The following CACNA1H variants were observed in gnomAD, a reference collection of about 807,000 sequenced individuals.
CACNA1H encodes the protein calcium voltage-gated channel subunit alpha1 H.
In CACNA1H, 149 loss-of-function variants were observed where a neutral mutation model predicts 192.5. That is an observed-to-expected ratio of 0.77 (90% CI 0.68 to 0.89). The LOEUF (loss-of-function observed/expected upper bound fraction) is 0.89. Ranked by LOEUF, CACNA1H falls within the 40% of genes least tolerant of loss-of-function variation. The pLI is 0.00. For synonymous variants in CACNA1H, 2,202 were observed against 1,475.2 expected (o/e 1.49, Z -11.29); for missense variants, 4,257 against 3,423.5 (o/e 1.24, Z -6.08).
intron 2 of CACNA1H, among the ~76,000 whole-genome samples, chr16:1,155,343 G>A (rs1034940205): frequency 7.9e-5 from 12 of 152,190 alleles, no homozygotes; most frequent in Admixed American, 2.0e-4. Context: ...GGGTGTCCCC[G>A]GGAGCCGAGG....
rs760736442 is a variant in CACNA1H at position 1,202,016 on chromosome 16, T to TCACCAC, written c.1579_1584dup (p.His527_His528dup). On this transcript the variant is annotated inframe_insertion, in exon 9 of 35. Coordinates refer to ENST00000348261, the MANE Select transcript of CACNA1H (RefSeq NM_021098.3). Reference sequence around the variant, plus strand: ...TGCACCACCTGGTCTACCACCACCATCACCACCACCACCACCACTACCATT... The same window carrying TCACCAC: ...TGCACCACCTGGTCTACCACCACCATCACCACCACCACCACCACCACCACTACCATT... 6 of 1,537,074 alleles carry TCACCAC rather than the reference T, an allele frequency of 3.9e-6. No homozygotes were observed. The African/African-American group carries it at 5.5e-5, about 14-fold the overall frequency.
At chr16:1,211,902 C>A in intron 24 of CACNA1H, 44 bp from the exon 25 acceptor site, 6 of 1,611,866 alleles carry the variant, frequency 3.7e-6, no homozygotes, top group Non-Finnish European at 5.1e-6. Flanking sequence ...GGTAGGGCCC[C>A]TGGCGGGGCA....
intron 2 of CACNA1H, among the ~76,000 whole-genome samples, chr16:1,170,680 C>T (rs566572101): frequency 6.6e-6 from 1 of 152,110 alleles, no homozygotes; most frequent in East Asian, 2.0e-4. Context: ...TCCTCGTGCC[C>T]CCACGATCTG....
intron 24 of CACNA1H, 30 bp from the exon 25 acceptor site, chr16:1,211,916 G>A (rs778806738): frequency 3.8e-5 from 62 of 1,611,632 alleles, no homozygotes; most frequent in South Asian, 3.2e-4. Context: ...CGGGGCAGGC[G>A]GGCGGGGACC....
rs757924797 is a variant in CACNA1H, at chr16:1,220,258, G to T, written c.6326G>T (p.Cys2109Phe). ...GTCAGCCACATCACCAGCTCCGCCT[G>T]CCCCTGGCAGCCCACAGCCGAGCCC... ...EEVSHITSSA[C>F]PWQPTAEPHG... The change falls in exon 35 of 35, where the codon TGC becomes TTC. Residue 2109 changes from cysteine to phenylalanine, a missense_variant. Coordinates refer to ENST00000348261, the MANE Select transcript of CACNA1H (RefSeq NM_021098.3). 9 of 1,586,266 alleles carry T rather than the reference G, an allele frequency of 5.7e-6. No individual in the cohort carries two copies. The South Asian group carries it at 7.8e-5, about 14-fold the overall frequency.
At position 1,209,531 on chromosome 16, in the gene CACNA1H, G is replaced by A. The variant is rs1969174912; in HGVS notation, c.3744+119G>A. 3.9e-6 allele frequency: 5 copies of A among 1,293,870 alleles called. No homozygotes were observed. In the African/African-American group the frequency reaches 4.4e-5, roughly 11 times the overall value. The allele number at this position is 1,293,870 out of a possible 1,614,324, so 80.1% of individuals were successfully genotyped here. A position where few individuals can be genotyped will look rare whatever the true frequency, so the allele number is the denominator to read the frequency against. On this transcript the variant is annotated intron_variant, in intron 17 of 34. Coordinates refer to ENST00000348261, the MANE Select transcript of CACNA1H (RefSeq NM_021098.3). ...TTGTTGACTGAGGGGATTCAGAAGGGGAGAGAAGCAGGCCAGGCCAGGGAG... is the reference window on the plus strand; with the variant it reads ...TTGTTGACTGAGGGGATTCAGAAGGAGAGAGAAGCAGGCCAGGCCAGGGAG...
Position 1,196,012 on chromosome 16 carries a change from A to G in CACNA1H, c.632A>G (p.Asn211Ser), listed in dbSNP as rs756493932. Reference sequence around the variant, plus strand: ...GTGCTGCGGCCCCTCCGCGCCATCAACCGCGTGCCTAGTAAGTGACCGGCC... The same window carrying G: ...GTGCTGCGGCCCCTCCGCGCCATCAGCCGCGTGCCTAGTAAGTGACCGGCC... ...VRVLRPLRAI[N>S]RVPSMRILVT... The change falls in exon 5 of 35, where the codon AAC becomes AGC. Residue 211 changes from asparagine (N) to serine (S), a missense_variant. Coordinates refer to ENST00000348261, the MANE Select transcript of CACNA1H (RefSeq NM_021098.3). 3.7e-6 allele frequency: 6 copies of G among 1,612,554 alleles called. No homozygotes were observed. Among genetic ancestry groups the G allele is most frequent in the Admixed American group, 1.7e-5 (1 of 59,990 alleles).
At position 1,169,509 on chromosome 16, in the gene CACNA1H, G is replaced by A. The variant is rs1228957263; in HGVS notation, c.299+15473G>A. On this transcript the variant is annotated intron_variant, in intron 2 of 34. Transcript: ENST00000348261. ...AGCAGCAGGGCTTGGCGGGCACAGC[G>A]CGTGTCTCGGGTTCCCCGTGGGCAG... 5.9e-5 allele frequency among the ~76,000 whole-genome samples: 9 copies of A among 152,346 alleles called. No individual in the cohort carries two copies. In the South Asian group the frequency reaches 1.7e-3, roughly 28 times the overall value.
chr16:1,214,273 G>C (rs562562957), intron 27 of CACNA1H, among the ~76,000 whole-genome samples: 1 of 152,332 alleles, frequency 6.6e-6, no homozygotes, highest in East Asian at 1.9e-4. Flanking sequence ...TCTTTATTCG[G>C]GTCCCCCTGC....
chr16:1,173,989 A>G (rs756009854), intron 2 of CACNA1H, among the ~76,000 whole-genome samples: 1 of 152,178 alleles, frequency 6.6e-6, no homozygotes, highest in Non-Finnish European at 1.5e-5. Context: ...GGCTGTGGGC[A>G]TTGACCTGCG....
In CACNA1H at chr16:1,213,855, A is replaced by C. The variant is rs769175169; in HGVS notation, c.4853A>C (p.Tyr1618Ser). The C allele has an allele frequency of 4.1e-5, 66 of 1,608,966 alleles. No individual in the cohort carries two copies. The highest frequency in any genetic ancestry group is 3.3e-4 in the Middle Eastern group (2 of 6,074). Reference protein sequence around the residue: ...RSIHSLCTSHYLDLFITFIIC... With the variant: ...RSIHSLCTSHSLDLFITFIIC... ...ATTCACTCGCTGTGCACCAGCCACT[A>C]TCTCGACCTCTTCATCACCTTCATC... The change falls in exon 27 of 35, where the codon TAT becomes TCT. Residue 1618 changes from tyrosine (Y) to serine (S), a missense_variant. Coordinates refer to ENST00000348261, the MANE Select transcript of CACNA1H (RefSeq NM_021098.3).
rs370061462 is a variant in CACNA1H at position 1,201,671 on chromosome 16, C to T, written c.1221C>T (p.Ser407=). Reference sequence around the variant, plus strand: ...GCCCGCCCCCGTCACAGGTGGGCTCCTTCTTCATGATCAACCTGTGCCTGG... The same window carrying T: ...GCCCGCCCCCGTCACAGGTGGGCTCTTTCTTCATGATCAACCTGTGCCTGG... ...IYFILLIIVG[S]FFMINLCLVV... is the part of the protein sequence containing the mutation. Residue 407 remains serine (S), a synonymous_variant, in exon 9 of 35, where the codon TCC becomes TCT. Coordinates refer to ENST00000348261, the MANE Select transcript of CACNA1H (RefSeq NM_021098.3). 87 of 1,597,644 alleles carry T rather than the reference C, an allele frequency of 5.4e-5. No individual in the cohort carries two copies. Among genetic ancestry groups the T allele is most frequent in the Middle Eastern group, 2.0e-4 (1 of 5,094 alleles).
At chr16:1,186,342 C>T (rs527307462) in intron 2 of CACNA1H, among the ~76,000 whole-genome samples, 1 of 152,128 alleles carries the variant, frequency 6.6e-6, no homozygotes, top group South Asian at 2.1e-4. Context: ...GGCAGGGGTC[C>T]AGCCTGCCGT....
chr16:1,153,706 CCT>C lies in CACNA1H; in HGVS notation c.-18-13_-18-12del, dbSNP rs1961887679. ...CGTCGCCACCGGCCCCGGGTCACCCCCTGTCCTCTGCAGGTGCTGCCGGCCGC... is the reference window on the plus strand; with the variant it reads ...CGTCGCCACCGGCCCCGGGTCACCCCGTCCTCTGCAGGTGCTGCCGGCCGC... On this transcript the variant is annotated splice_polypyrimidine_tract_variant and intron_variant, in intron 1 of 34. Transcript: ENST00000348261. 2 of 1,195,516 alleles carry C rather than the reference CCT, an allele frequency of 1.7e-6. No homozygotes were observed. The highest frequency in any genetic ancestry group is 4.0e-5 in the South Asian group (1 of 24,836). The allele number at this position is 1,195,516 out of a possible 1,614,324, so 74.1% of individuals were successfully genotyped here.
intron 2 of CACNA1H, among the ~76,000 whole-genome samples, chr16:1,169,662 C>T (rs1056520890): frequency 6.6e-6 from 1 of 152,256 alleles, no homozygotes; most frequent in African/African-American, 2.4e-5. Context: ...AGGCCCCAGC[C>T]CACTTGTCTG....
Position 1,209,037 on chromosome 16 carries a change from C to G in CACNA1H, c.3369C>G (p.Ser1123Arg). ...TGACTCCCGCCACCCCCCAGGCCAG[C>G]CTCCGAAGTTCTCCCTGTGCCCCCT... Reference protein sequence around the residue: ...PPLGDQKPPASLRSSPCAPWG... With the variant: ...PPLGDQKPPARLRSSPCAPWG... Residue 1123 changes from serine (S) to arginine (R), a missense_variant, in exon 17 of 35, where the codon AGC (serine) becomes AGG (arginine). By Grantham distance (110) the Ser-to-Arg change is moderately radical (BLOSUM62 -1). Transcript: ENST00000348261. The G allele has an allele frequency of 6.6e-7, 1 of 1,511,404 alleles. No individual in the cohort carries two copies. 93.6% of individuals were successfully genotyped at this position (1,511,404 alleles called of 1,614,324 possible). A position where few individuals can be genotyped will look rare whatever the true frequency, so the allele number is the denominator to read the frequency against.
rs1458408279 is a variant in CACNA1H, at chr16:1,210,791, T to C, written c.4043T>C (p.Val1348Ala). 2.5e-6 allele frequency: 4 copies of C among 1,600,668 alleles called. No individual in the cohort carries two copies. The South Asian group carries it at 4.4e-5, about 18-fold the overall frequency. ...AGTGCCATTGGCCCTCCGCAGGTGGTGGCCCTGGGGCTGCTGTCCGGCGAG... is the reference window on the plus strand; with the variant it reads ...AGTGCCATTGGCCCTCCGCAGGTGGCGGCCCTGGGGCTGCTGTCCGGCGAG... The part of the protein sequence containing the change: ...IFVAEMMVKV[V>A]ALGLLSGEHA... Residue 1348 changes from valine to alanine, a missense_variant, in exon 21 of 35, where the codon GTG becomes GCG. Val to Ala is a moderately conservative substitution (Grantham distance 64, BLOSUM62 0). Transcript: ENST00000348261.
rs940068732 is a variant in CACNA1H, at chr16:1,209,130, C to T, written c.3462C>T (p.Leu1154=). The T allele has an allele frequency of 2.2e-5, 34 of 1,553,814 alleles. No individual in the cohort carries two copies. In the Admixed American group the frequency reaches 2.7e-4, roughly 12 times the overall value. Residue 1154 remains leucine (L), a synonymous_variant, in exon 17 of 35, where the codon CTC becomes CTT. Transcript: ENST00000348261. ...GCAGCCTGGGCCGTGCCCCCAGCCT[C>T]AAGCGCCGCGGCCAGTGTGGGGAAC... The part of the protein sequence containing the change: ...SWSSLGRAPS[L]KRRGQCGERE...
rs746487526 is a variant in CACNA1H at position 1,218,566 on chromosome 16, C to A, written c.5802C>A (p.Phe1934Leu). 72 of 1,564,512 alleles carry A rather than the reference C, an allele frequency of 4.6e-5. No individual in the cohort carries two copies. The highest frequency in any genetic ancestry group is 6.1e-5 in the Non-Finnish European group (71 of 1,155,040). ...MLSLPNDSYM[F>L]RPVVPASAPH... ...CGCTGCCCAACGACAGCTACATGTT[C>A]AGGCCCGTGGTGCCTGCCTCGGCGC... Residue 1934 changes from phenylalanine (F) to leucine (L), a missense_variant, in exon 33 of 35, where the codon TTC (phenylalanine) becomes TTA (leucine). Transcript: ENST00000348261.
Sources: gnomAD v4.1 joint callset for allele counts (sites outside exome capture counted in the v4.1 genomes callset) on GRCh38, gnomAD v4.1.1 for gene constraint, MANE v1.5 for transcripts, NCBI Gene and HGNC (gene_info 2026-07-23, HGNC 2026-07-21) for gene names.